The following DPYSL5 variants were observed in gnomAD, a reference collection of about 807,000 sequenced individuals.
DPYSL5 encodes dihydropyrimidinase like 5.
DPYSL5 carries 9 observed loss-of-function variants against 58.4 expected under a neutral mutation model. That is an observed-to-expected ratio of 0.15 (90% CI 0.09 to 0.27). The LOEUF is 0.27. DPYSL5 is among the 10% of genes least tolerant of loss of function. The probability of loss-of-function intolerance (pLI) is 1.00; values close to 1 mark genes in which losing one functional copy is unlikely to be tolerated. For missense variants in DPYSL5, 499 were observed against 770.6 expected (o/e 0.65, Z 4.17); for synonymous variants, 293 against 301.9 (o/e 0.97, Z 0.31).
intron 1 of DPYSL5, among the ~76,000 whole-genome samples, chr2:26,861,567 A>G (rs1261507042): frequency 6.6e-6 from 1 of 152,218 alleles, no homozygotes; most frequent in Non-Finnish European, 1.5e-5. Flanking sequence ...GTATCGGTGC[A>G]GAGAGAATGG....
At chr2:26,912,292 C>T (rs1052218526) in intron 2 of DPYSL5, among the ~76,000 whole-genome samples, 6 of 152,224 alleles carry the variant, frequency 3.9e-5, no homozygotes, top group Admixed American at 2.6e-4. Context: ...TCACAGCCCC[C>T]GTTCCTGGAA....
intron 1 of DPYSL5, among the ~76,000 whole-genome samples, chr2:26,882,040 G>A (rs559392496): frequency 1.4e-4 from 19 of 134,020 alleles, no homozygotes; most frequent in Admixed American, 5.8e-4. Flanking sequence ...GCAGTGAGCC[G>A]AGATCACACC....
At chr2:26,869,245 G>A (rs528409503) in intron 1 of DPYSL5, among the ~76,000 whole-genome samples, 2 of 152,310 alleles carry the variant, frequency 1.3e-5, no homozygotes, top group South Asian at 2.1e-4. Flanking sequence ...GATTACAGGC[G>A]TGAGCCACTA....
intron 2 of DPYSL5, among the ~76,000 whole-genome samples, chr2:26,899,802 C>G (rs1329637039): frequency 2.0e-5 from 3 of 152,186 alleles, no homozygotes; most frequent in African/African-American, 7.2e-5. Context: ...CCTCTGGCAT[C>G]AGGGCTACAC....
chr2:26,872,769 A>G (rs1372930307), intron 1 of DPYSL5, among the ~76,000 whole-genome samples: 1 of 150,896 alleles, frequency 6.6e-6, no homozygotes, highest in East Asian at 1.9e-4. Flanking sequence ...AGATCATGCA[A>G]CTGCACTCCA....
intron 1 of DPYSL5, among the ~76,000 whole-genome samples, chr2:26,888,660 G>C (rs963759392): frequency 9.9e-5 from 15 of 152,224 alleles, no homozygotes; most frequent in African/African-American, 3.6e-4. Context: ...TTTGAATTCT[G>C]TTGTTTGCAT....
chr2:26,852,907 G>T (rs763690842), intron 1 of DPYSL5, among the ~76,000 whole-genome samples: 2 of 152,160 alleles, frequency 1.3e-5, no homozygotes, highest in Non-Finnish European at 2.9e-5. Context: ...ATCACCATCA[G>T]CAGCAGCATC....
At chr2:26,880,864 C>T (rs1663543064) in intron 1 of DPYSL5, among the ~76,000 whole-genome samples, 1 of 152,236 alleles carries the variant, frequency 6.6e-6, no homozygotes, top group Non-Finnish European at 1.5e-5. Context: ...TTGAATGAGT[C>T]CCCTCTATGT....
Position 26,905,324 on chromosome 2 carries a change from T to C in DPYSL5, c.261+6564T>C, listed in dbSNP as rs1443400988. On this transcript the variant is annotated intron_variant, in intron 2 of 12. Coordinates refer to ENST00000288699, the MANE Select transcript of DPYSL5 (RefSeq NM_020134.4). This position sits in a 1 kb window ranked among gnomAD's most constrained non-coding sequence, Gnocchi z 4.0. ...GATGCATGACAAATGCTTCACATAG[T>C]CCCTGTCACAGAATACATATACAAT... is the stretch of plus-strand genomic sequence containing the variant. Among the ~76,000 whole-genome samples, 1 of 152,178 alleles carries C rather than the reference T, an allele frequency of 6.6e-6. No homozygotes were observed. The highest frequency in any genetic ancestry group is 2.4e-5 in the African/African-American group (1 of 41,442).
chr2:26,856,921 T>C (rs568000210), intron 1 of DPYSL5, among the ~76,000 whole-genome samples: 3 of 147,912 alleles, frequency 2.0e-5, no homozygotes, highest in Non-Finnish European at 4.5e-5. Context: ...ATATATGTAA[T>C]AAATATTATA....
At chr2:26,935,118 C>A (rs549741132) in intron 8 of DPYSL5, among the ~76,000 whole-genome samples, 1 of 152,242 alleles carries the variant, frequency 6.6e-6, no homozygotes, top group Admixed American at 6.5e-5. Context: ...TGTTGGCTCC[C>A]GTGTGCCCCT....
At position 26,933,315 on chromosome 2, in the gene DPYSL5, G is replaced by A. The variant is rs765630736; in HGVS notation, c.772G>A (p.Ala258Thr). The A allele has an allele frequency of 6.2e-6, 10 of 1,613,784 alleles. No individual in the cohort carries two copies. Among genetic ancestry groups the A allele is most frequent in the Non-Finnish European group, 8.5e-6 (10 of 1,179,964 alleles). ...CAGTATCTCGGCTGGTGACGTTATC[G>A]CAGCTGCTAAGATGCAAGGTGAGTC... is the stretch of plus-strand genomic sequence containing the variant. ...VSSISAGDVI[A>T]AAKMQGKVVL... The change falls in exon 7 of 13, where the codon GCA (alanine) becomes ACA (threonine). Residue 258 changes from alanine (A) to threonine (T), a missense_variant. Ala to Thr is a moderately conservative substitution (Grantham distance 58). Coordinates refer to ENST00000288699, the MANE Select transcript of DPYSL5 (RefSeq NM_020134.4). The surrounding 1 kb of genome is among the most constrained non-coding windows in gnomAD (Gnocchi z 4.2).
At chr2:26,854,050 A>G (rs1373580253) in intron 1 of DPYSL5, among the ~76,000 whole-genome samples, 1 of 152,116 alleles carries the variant, frequency 6.6e-6, no homozygotes, top group Admixed American at 6.5e-5. Context: ...AAATTAAAAA[A>G]AAAATAAAGT....
intron 1 of DPYSL5, among the ~76,000 whole-genome samples, chr2:26,894,226 C>A (rs937112583): frequency 1.3e-5 from 2 of 152,054 alleles, no homozygotes; most frequent in Admixed American, 6.6e-5. Context: ...GCACTGGCCC[C>A]ATTTCCTATG....
rs750236353 is a variant in DPYSL5 at position 26,947,033 on chromosome 2, G to A, written c.*38G>A. Reference sequence around the variant, plus strand: ...GCCCCCCGAGTGAGGACGCACCGCCGCCACCAGCCCGCAACTCTCCAGCCG... The same window carrying A: ...GCCCCCCGAGTGAGGACGCACCGCCACCACCAGCCCGCAACTCTCCAGCCG... On this transcript the variant is annotated 3_prime_UTR_variant, in exon 13 of 13. Coordinates refer to ENST00000288699, the MANE Select transcript of DPYSL5 (RefSeq NM_020134.4). The surrounding 1 kb of genome is among the most constrained non-coding windows in gnomAD (Gnocchi z 4.2). The A allele has an allele frequency of 1.7e-5, 25 of 1,513,042 alleles. No homozygotes were observed. The highest frequency in any genetic ancestry group is 1.7e-4 in the Middle Eastern group (1 of 5,806). 93.7% of individuals were successfully genotyped at this position (1,513,042 alleles called of 1,614,324 possible). A position where few individuals can be genotyped will look rare whatever the true frequency, so the allele number is the denominator to read the frequency against.
chr2:26,933,358 A>G lies in DPYSL5; in HGVS notation c.790+25A>G. 2.5e-6 allele frequency: 4 copies of G among 1,609,162 alleles called. No homozygotes were observed. The highest frequency in any genetic ancestry group is 3.4e-6 in the Non-Finnish European group (4 of 1,175,964). On this transcript the variant is annotated intron_variant, in intron 7 of 12. Transcript: ENST00000288699. The surrounding 1 kb of genome is among the most constrained non-coding windows in gnomAD (Gnocchi z 4.2). ...GGTGAGTCCATAGACTTGGCTGGAC[A>G]GAGCAGGTCAAGTGGAGGGACTGGA...
Position 26,934,545 on chromosome 2 carries a change from T to C in DPYSL5, c.791-33T>C. The C allele has an allele frequency of 6.3e-7, 1 of 1,599,802 alleles. No homozygotes were observed. Among genetic ancestry groups the C allele is most frequent in the Non-Finnish European group, 8.5e-7 (1 of 1,171,638 alleles). Reference sequence around the variant, plus strand: ...CAGCGATCGCTCAGGTTCGGTGGCTTCCTGGTTATGGTTCTGACCTTTCTT... The same window carrying C: ...CAGCGATCGCTCAGGTTCGGTGGCTCCCTGGTTATGGTTCTGACCTTTCTT... On this transcript the variant is annotated intron_variant, in intron 7 of 12. Coordinates refer to ENST00000288699, the MANE Select transcript of DPYSL5 (RefSeq NM_020134.4). The surrounding 1 kb of genome is among the most constrained non-coding windows in gnomAD (Gnocchi z 4.3).
At chr2:26,901,014 G>A (rs1664142961) in intron 2 of DPYSL5, among the ~76,000 whole-genome samples, 2 of 152,152 alleles carry the variant, frequency 1.3e-5, no homozygotes, top group African/African-American at 4.8e-5. Flanking sequence ...CTGCACACGT[G>A]TCTTTATGCA....
At chr2:26,897,180 A>G (rs1664042648) in intron 1 of DPYSL5, among the ~76,000 whole-genome samples, 1 of 152,160 alleles carries the variant, frequency 6.6e-6, no homozygotes, top group South Asian at 2.1e-4. Flanking sequence ...CTTTCCTTAT[A>G]GTGCTGGCTA....
Sources: allele counts gnomAD v4.1 joint callset (sites outside exome capture counted in the v4.1 genomes callset), GRCh38; gene constraint gnomAD v4.1.1; non-coding constraint Gnocchi (gnomAD v3.1); transcripts MANE v1.5; gene names NCBI Gene and HGNC (gene_info 2026-07-23, HGNC 2026-07-21).